ZNF385D: variants seen among roughly 807,000 people sequenced by gnomAD.
ZNF385D encodes zinc finger protein 659.
ZNF385D carries 15 observed loss-of-function variants against 35.8 expected under a neutral mutation model. That is an observed-to-expected ratio of 0.42 (90% confidence interval 0.28 to 0.64). ZNF385D has a LOEUF of 0.64. Ranked by LOEUF, ZNF385D falls within the 30% of genes least tolerant of loss-of-function variation. The pLI is 0.23. For missense variants in ZNF385D, 474 were observed against 494.6 expected (o/e 0.96, Z 0.39); for synonymous variants, 212 against 186.8 (o/e 1.13, Z -1.10).
intron 4 of ZNF385D, among the ~76,000 whole-genome samples, chr3:21,482,515 CAGA>C (rs1347498632): frequency 6.6e-6 from 1 of 152,166 alleles, no homozygotes; most frequent in Non-Finnish European, 1.5e-5. Flanking sequence ...TTCAGGCCAA[CAGA>C]AGAAGTACTT....
At chr3:21,799,598 G>T (rs1471208304) in intron 3 of ZNF385D, among the ~76,000 whole-genome samples, 1 of 152,022 alleles carries the variant, frequency 6.6e-6, no homozygotes, top group African/African-American at 2.4e-5. Context: ...CAAGTCTGTT[G>T]TTTATTTTTC....
chr3:21,715,607 A>C (rs766739849), intron 1 of ZNF385D, among the ~76,000 whole-genome samples: 19 of 151,698 alleles, frequency 1.3e-4, no homozygotes, highest in Non-Finnish European at 2.5e-4. Flanking sequence ...TTTTCCTTTG[A>C]GTAGACACCC....
chr3:22,132,459 T>C (rs954080146), intron 3 of ZNF385D, among the ~76,000 whole-genome samples: 1 of 152,132 alleles, frequency 6.6e-6, no homozygotes, highest in Non-Finnish European at 1.5e-5. Flanking sequence ...AGACAAATGA[T>C]AAAATACACA....
At chr3:21,941,801 T>G (rs1169371500) in intron 3 of ZNF385D, among the ~76,000 whole-genome samples, 1 of 139,142 alleles carries the variant, frequency 7.2e-6, no homozygotes, top group Non-Finnish European at 1.5e-5. Flanking sequence ...CCGGCCTCTT[T>G]AATTTCTGTG....
At chr3:22,308,433 C>T (rs991232680) in intron 2 of ZNF385D, among the ~76,000 whole-genome samples, 1 of 151,592 alleles carries the variant, frequency 6.6e-6, no homozygotes, top group Non-Finnish European at 1.5e-5. Flanking sequence ...TAAAACCTGC[C>T]TTTTTTTTCT....
intron 2 of ZNF385D, among the ~76,000 whole-genome samples, chr3:22,298,450 T>C (rs1006057210): frequency 7.8e-6 from 1 of 128,062 alleles, no homozygotes; most frequent in Admixed American, 8.3e-5. Context: ...ACATAAAATA[T>C]TTATATATAA....
chr3:21,469,347 C>T (rs750896987), intron 4 of ZNF385D, among the ~76,000 whole-genome samples: 3 of 152,160 alleles, frequency 2.0e-5, no homozygotes, highest in African/African-American at 7.2e-5. Context: ...CCTCTCACAA[C>T]CTGCAGTAAG....
rs1702973748 is a variant in ZNF385D at position 22,302,755 on chromosome 3, T to C, written c.106+69695A>G. Among the ~76,000 whole-genome samples, 4 of 152,100 alleles carry C rather than the reference T, an allele frequency of 2.6e-5. No homozygotes were observed. In the South Asian group the frequency reaches 8.3e-4, roughly 32 times the overall value. On this transcript the variant is annotated intron_variant, in intron 2 of 5. Coordinates refer to the ZNF385D transcript ENST00000494108. ...TATCTGTATACATTTTCTAATATTG[T>C]TCCAATTAGTTTTAATGTTACTTTG...
At chr3:21,826,749 G>GC (rs1559664193) in intron 3 of ZNF385D, among the ~76,000 whole-genome samples, 1 of 151,422 alleles carries the variant, frequency 6.6e-6, no homozygotes, top group African/African-American at 2.4e-5. Context: ...ACAGCAGAAG[G>GC]AAAGCTAGAG....
At chr3:21,735,867 T>C (rs564705554) in intron 1 of ZNF385D, among the ~76,000 whole-genome samples, 1 of 152,190 alleles carries the variant, frequency 6.6e-6, no homozygotes, top group Non-Finnish European at 1.5e-5. Flanking sequence ...TAGCAGGGAT[T>C]GCTATGATTG....
At chr3:22,193,065 A>C (rs1272701767) in intron 2 of ZNF385D, among the ~76,000 whole-genome samples, 1 of 152,234 alleles carries the variant, frequency 6.6e-6, no homozygotes, top group Non-Finnish European at 1.5e-5. Context: ...AGACAAGAGT[A>C]ACCGTTTATA....
intron 2 of ZNF385D, among the ~76,000 whole-genome samples, chr3:22,302,209 A>G (rs1212019812): frequency 6.6e-6 from 1 of 152,070 alleles, no homozygotes. Flanking sequence ...CTAAACTTTT[A>G]AAATAAATTT....
intron 2 of ZNF385D, among the ~76,000 whole-genome samples, chr3:22,286,333 T>C (rs940233732): frequency 2.6e-5 from 4 of 152,162 alleles, no homozygotes; most frequent in African/African-American, 9.7e-5. Flanking sequence ...ATTTTGCTTA[T>C]CTTTCCAATA....
intron 2 of ZNF385D, among the ~76,000 whole-genome samples, chr3:22,255,325 C>T (rs1700261549): frequency 6.6e-6 from 1 of 151,366 alleles, no homozygotes; most frequent in Non-Finnish European, 1.5e-5. Flanking sequence ...TTTTTTCCTC[C>T]CTTTATTTAA....
At chr3:21,839,469 G>T (rs920372082) in intron 3 of ZNF385D, among the ~76,000 whole-genome samples, 2 of 152,034 alleles carry the variant, frequency 1.3e-5, no homozygotes, top group African/African-American at 4.8e-5. Context: ...ACTATGTCCA[G>T]TTCCAAGGTA....
intron 4 of ZNF385D, among the ~76,000 whole-genome samples, chr3:21,451,272 T>C (rs1702443573): frequency 6.6e-6 from 1 of 152,042 alleles, no homozygotes; most frequent in African/African-American, 2.4e-5. Flanking sequence ...TCTGAGACGC[T>C]AATAAAAAAA....
intron 3 of ZNF385D, among the ~76,000 whole-genome samples, chr3:22,066,712 C>T (rs988071714): frequency 6.6e-6 from 1 of 151,938 alleles, no homozygotes; most frequent in African/African-American, 2.4e-5. Context: ...GAAGTTACTG[C>T]TAAGAAGATA....
At chr3:21,587,280 T>A (rs1364829835) in intron 2 of ZNF385D, among the ~76,000 whole-genome samples, 3 of 152,002 alleles carry the variant, frequency 2.0e-5, no homozygotes, top group Non-Finnish European at 4.4e-5. Flanking sequence ...AGGAAGAAAG[T>A]CAATCTGGAG....
chr3:21,809,190 T>TA (rs1388893902), intron 3 of ZNF385D, among the ~76,000 whole-genome samples: 7 of 152,136 alleles, frequency 4.6e-5, no homozygotes, highest in African/African-American at 1.7e-4. Flanking sequence ...TAGCTATTAT[T>TA]AAAATGCTCC....
Sources: gnomAD v4.1 joint callset for allele counts (sites outside exome capture counted in the v4.1 genomes callset) on GRCh38, gnomAD v4.1.1 for gene constraint, MANE v1.5 for transcripts, NCBI Gene and HGNC (gene_info 2026-07-23, HGNC 2026-07-21) for gene names.